The following SRBD1 variants were observed in gnomAD, a reference collection of about 807,000 sequenced individuals.
SRBD1 encodes the protein S1 RNA binding domain 1.
SRBD1 carries 88 observed loss-of-function variants against 115.3 expected under a neutral mutation model. That is an observed-to-expected ratio of 0.76 (90% confidence interval 0.64 to 0.91). SRBD1 has a LOEUF of 0.91. Among genes scored for constraint, SRBD1 ranks in the 40% least tolerant of loss-of-function variants. The pLI, the probability that SRBD1 is intolerant of heterozygous loss-of-function variation, is 0.00. For synonymous variants in SRBD1, 509 were observed against 407.7 expected, an observed-to-expected ratio of 1.25 and a Z score of -2.99; for missense variants, 1,385 against 1,177.4, an observed-to-expected ratio of 1.18 and a Z score of -2.58.
intron 10 of SRBD1, 146 bp from the exon 11 acceptor site, chr2:45,553,876 G>T: frequency 6.8e-6 from 3 of 438,898 alleles, no homozygotes; most frequent in South Asian, 5.7e-5. Context: ...GAAAGGCTGT[G>T]GTATCTGAAA....
chr2:45,421,679 G>C (rs149802050), intron 16 of SRBD1, among the ~76,000 whole-genome samples: 1 of 152,082 alleles, frequency 6.6e-6, no homozygotes, highest in African/African-American at 2.4e-5. Flanking sequence ...TGTGGGACAG[G>C]AGACTTCTCT....
intron 15 of SRBD1, among the ~76,000 whole-genome samples, chr2:45,481,757 C>A (rs1398262959): frequency 6.6e-6 from 1 of 151,926 alleles, no homozygotes; most frequent in African/African-American, 2.4e-5. Flanking sequence ...TATACCCATA[C>A]AATAGAATGT....
At chr2:45,443,673 G>A (rs181791853) in intron 16 of SRBD1, among the ~76,000 whole-genome samples, 41 of 152,208 alleles carry the variant, frequency 2.7e-4, no homozygotes, top group Non-Finnish European at 5.1e-4. Flanking sequence ...CAGGCAGGGT[G>A]TGGTAGGGAG....
At position 45,560,238 on chromosome 2, in the gene SRBD1, GA is replaced by G. The variant is rs556189668; in HGVS notation, c.1409+2414del. Among the ~76,000 whole-genome samples, 426 of 152,124 alleles carry G rather than the reference GA, an allele frequency of 2.8e-3. 1 individual carries two copies. Among genetic ancestry groups the G allele is most frequent in the African/African-American group, 9.6e-3 (400 of 41,520 alleles). ...CTAAATAAAATATAAATAAGCCATGGAAAAATAAATCACTGTAAAAAAATTC... is the reference window on the plus strand; with the variant it reads ...CTAAATAAAATATAAATAAGCCATGGAAAATAAATCACTGTAAAAAAATTC... On this transcript the variant is annotated intron_variant, in intron 10 of 20. Transcript: ENST00000263736.
chr2:45,400,615 CA>C (rs1667266991), intron 19 of SRBD1, among the ~76,000 whole-genome samples: 1 of 151,952 alleles, frequency 6.6e-6, no homozygotes, highest in African/African-American at 2.4e-5. Context: ...AACTCTCCCC[CA>C]CTCCCTCCAA....
intron 13 of SRBD1, 111 bp downstream of exon 13, chr2:45,547,411 T>C: frequency 1.1e-6 from 1 of 898,218 alleles, no homozygotes; most frequent in Admixed American, 2.6e-5. Flanking sequence ...TATGGTTTAT[T>C]GTCTCTCACA....
intron 16 of SRBD1, among the ~76,000 whole-genome samples, chr2:45,446,915 G>T (rs1402092958): frequency 6.6e-6 from 1 of 152,040 alleles, no homozygotes; most frequent in East Asian, 1.9e-4. Flanking sequence ...TCAAGCAGGA[G>T]GGCAAAATAC....
chr2:45,414,497 TAG>T (rs1027081357), intron 18 of SRBD1, among the ~76,000 whole-genome samples: 1 of 151,228 alleles, frequency 6.6e-6, no homozygotes, highest in Non-Finnish European at 1.5e-5. Context: ...AGTGTGTATA[TAG>T]TGTGTGTGTA....
chr2:45,538,569 A>T (rs1413389713), intron 14 of SRBD1, among the ~76,000 whole-genome samples: 2 of 152,252 alleles, frequency 1.3e-5, no homozygotes, highest in Non-Finnish European at 1.5e-5. Context: ...AACTGCTGAA[A>T]TGAGACTATG....
chr2:45,440,288 T>C (rs374369917), intron 16 of SRBD1, among the ~76,000 whole-genome samples: 2 of 152,354 alleles, frequency 1.3e-5, no homozygotes, highest in African/African-American at 4.8e-5. Flanking sequence ...TAAATTTTAA[T>C]GCAGACAAAC....
rs1406344021 is a variant in SRBD1 at position 45,562,770 on chromosome 2, T to G, written c.1306-14A>C. 1.3e-6 allele frequency: 2 copies of G among 1,575,054 alleles called. No individual in the cohort carries two copies. Among genetic ancestry groups the G allele is most frequent in the East Asian group, 2.3e-5 (1 of 44,240 alleles). On this transcript the variant is annotated splice_polypyrimidine_tract_variant and intron_variant, in intron 9 of 20. Coordinates refer to ENST00000263736, the MANE Select transcript of SRBD1 (RefSeq NM_018079.5). ...AATTGCCAGAATCTGAGTGCAAACATAAGGCAAAGACTAATAATCCACAAA... is the reference window on the plus strand; with the variant it reads ...AATTGCCAGAATCTGAGTGCAAACAGAAGGCAAAGACTAATAATCCACAAA...
At chr2:45,535,511 A>G (rs761456297) in intron 14 of SRBD1, among the ~76,000 whole-genome samples, 14 of 151,942 alleles carry the variant, frequency 9.2e-5, no homozygotes, top group Non-Finnish European at 1.9e-4. Flanking sequence ...TTCCCTCTGG[A>G]ACAACAAAAT....
At chr2:45,540,783 C>T (rs1671909121) in intron 14 of SRBD1, among the ~76,000 whole-genome samples, 1 of 152,168 alleles carries the variant, frequency 6.6e-6, no homozygotes, top group African/African-American at 2.4e-5. Context: ...GATCATTAAT[C>T]ACTAGGAAAA....
At chr2:45,581,957 A>T (rs772555304) in intron 5 of SRBD1, 147 bp from the exon 6 acceptor site, 8 of 635,348 alleles carry the variant, frequency 1.3e-5, no homozygotes, top group Non-Finnish European at 1.7e-5. Flanking sequence ...ACATCCCTGC[A>T]CTCCAACACT....
At chr2:45,480,172 G>C in intron 15 of SRBD1, among the ~76,000 whole-genome samples, 1 of 152,100 alleles carries the variant, frequency 6.6e-6, no homozygotes, top group Middle Eastern at 3.2e-3. Context: ...GATTAATACT[G>C]TTTTCATGCC....
chr2:45,573,616 T>A (rs992785397), intron 8 of SRBD1, among the ~76,000 whole-genome samples: 14 of 152,084 alleles, frequency 9.2e-5, no homozygotes, highest in Non-Finnish European at 1.8e-4. Context: ...ATGCAAAAGA[T>A]CAAAACTATC....
chr2:45,544,819 C>A (rs1296590675), intron 14 of SRBD1, among the ~76,000 whole-genome samples: 6 of 151,766 alleles, frequency 4.0e-5, no homozygotes, highest in Non-Finnish European at 5.9e-5. Context: ...CATAAAAAAA[C>A]ATATTGTTTA....
intron 16 of SRBD1, among the ~76,000 whole-genome samples, chr2:45,449,654 G>A (rs956014204): frequency 2.6e-5 from 4 of 152,044 alleles, no homozygotes; most frequent in African/African-American, 4.8e-5. Context: ...CTTCAACCCC[G>A]AAGTTTTTTT....
intron 14 of SRBD1, among the ~76,000 whole-genome samples, chr2:45,527,887 A>C (rs1671497390): frequency 6.6e-6 from 1 of 151,904 alleles, no homozygotes; most frequent in Admixed American, 6.6e-5. Flanking sequence ...TGTTTATAGG[A>C]ATCATTGCTA....
Sources: allele counts gnomAD v4.1 joint callset (sites outside exome capture counted in the v4.1 genomes callset), GRCh38; gene constraint gnomAD v4.1.1; transcripts MANE v1.5; gene names NCBI Gene and HGNC (gene_info 2026-07-23, HGNC 2026-07-21).